The following ELL2 variants were observed in gnomAD, a reference collection of about 807,000 sequenced individuals.
The protein encoded by ELL2 is elongation factor for RNA polymerase II 2, also known as RNA polymerase II elongation factor ELL2.
In ELL2, 21 loss-of-function variants were observed where a neutral mutation model predicts 72.8. The observed-to-expected ratio is 0.29, with a 90% confidence interval of 0.20 to 0.42. ELL2 has a LOEUF of 0.42. Ranked by LOEUF, ELL2 falls within the 10% of genes least tolerant of loss-of-function variation. The pLI, the probability that ELL2 is intolerant of heterozygous loss-of-function variation, is 1.00. For missense variants in ELL2, 568 were observed against 772.8 expected (o/e 0.73, Z 3.14); for synonymous variants, 266 against 283.2 (o/e 0.94, Z 0.61).
intron 2 of ELL2, among the ~76,000 whole-genome samples, chr5:95,939,877 A>G (rs1580527321): frequency 6.6e-6 from 1 of 152,212 alleles, no homozygotes; most frequent in East Asian, 1.9e-4. Flanking sequence ...ATCACAATGC[A>G]GTAGCCCATG....
intron 1 of ELL2, among the ~76,000 whole-genome samples, chr5:95,956,164 CAT>C (rs1392743246): frequency 2.0e-5 from 3 of 152,222 alleles, no homozygotes; most frequent in Non-Finnish European, 4.4e-5. Context: ...CAATCCTTCA[CAT>C]ATGTTCTTTC....
chr5:95,939,273 A>T (rs937435997), intron 2 of ELL2, among the ~76,000 whole-genome samples: 1 of 152,204 alleles, frequency 6.6e-6, no homozygotes, highest in Non-Finnish European at 1.5e-5. Context: ...GTTCTGGATG[A>T]ATCCTACATT....
chr5:95,928,148 C>G (rs1431708600), intron 2 of ELL2, among the ~76,000 whole-genome samples: 1 of 151,980 alleles, frequency 6.6e-6, no homozygotes, highest in Non-Finnish European at 1.5e-5. Flanking sequence ...AGAGATACTG[C>G]ATCAGGGAAA....
At chr5:95,914,834 G>C (rs1291330471) in intron 3 of ELL2, among the ~76,000 whole-genome samples, 2 of 152,062 alleles carry the variant, frequency 1.3e-5, no homozygotes, top group Admixed American at 6.5e-5. Context: ...AACAGAATGA[G>C]ACCCCATCTC....
Position 95,898,333 on chromosome 5 carries a change from G to A in ELL2, c.1432C>T (p.His478Tyr), listed in dbSNP as rs1448511253. The A allele has an allele frequency of 1.2e-6, 2 of 1,613,510 alleles. No homozygotes were observed. The highest frequency in any genetic ancestry group is 1.7e-5 in the Admixed American group (1 of 59,938). ...TTTTCCTCAATAGTCTCAATGTCGT[G>A]CTTTTTTATTTGGTCCTTTTCCTTA... ...KHKEKDQIKK[H>Y]DIETIEEKEE... Residue 478 changes from histidine (H) to tyrosine (Y), a missense_variant, in exon 8 of 12, where the codon CAC becomes TAC. Around this residue, in one of 2 missense-constraint regions of ELL2, gnomAD observed 511 missense variants for 728.4 expected, o/e 0.70. Coordinates refer to ENST00000237853, the MANE Select transcript of ELL2 (RefSeq NM_012081.6).
intron 3 of ELL2, among the ~76,000 whole-genome samples, chr5:95,916,256 C>A (rs1251839977): frequency 6.6e-6 from 1 of 151,952 alleles, no homozygotes; most frequent in African/African-American, 2.4e-5. Flanking sequence ...TACTGAAACA[C>A]TGAACACAAG....
At position 95,898,597 on chromosome 5, in the gene ELL2, G is replaced by A; in HGVS notation, c.1168C>T (p.Gln390Ter). 1 of 1,613,916 alleles carries A rather than the reference G, an allele frequency of 6.2e-7. No homozygotes were observed. The highest frequency in any genetic ancestry group is 8.5e-7 in the Non-Finnish European group (1 of 1,179,900). ...STYLPISHPP[Q>*]IVNSNSNSPS... is the part of the protein sequence containing the mutation. ...GAGTTGGAGTTAGAATTTACAATCT[G>A]AGGAGGATGTGAGATGGGCAGATAG... The change falls in exon 8 of 12, where the codon CAG (glutamine) becomes TAG (stop). Residue 390 changes from glutamine to a stop codon, truncating the protein, a stop_gained. Coordinates refer to ENST00000237853, the MANE Select transcript of ELL2 (RefSeq NM_012081.6). LOFTEE classifies it high-confidence loss of function.
At chr5:95,898,083 T>A (rs1410425816) in intron 8 of ELL2, among the ~76,000 whole-genome samples, 157 bp downstream of exon 8, 1 of 129,872 alleles carries the variant, frequency 7.7e-6, no homozygotes, top group Non-Finnish European at 1.6e-5. Flanking sequence ...AAACAACTGC[T>A]GTAAAATGAA....
chr5:95,956,696 G>GA (rs1751640259), intron 1 of ELL2, among the ~76,000 whole-genome samples: 2 of 152,042 alleles, frequency 1.3e-5, no homozygotes, highest in Admixed American at 1.3e-4. Flanking sequence ...TCACCTGGTA[G>GA]AAAAAAAGGA....
rs1751364213 is a variant in ELL2 at position 95,950,927 on chromosome 5, TATATATATATATATATATATATATATAA to T, written c.148-7906_148-7879del. Among the ~76,000 whole-genome samples, 6 of 121,456 alleles carry T rather than the reference TATATATATATATATATATATATATATAA, an allele frequency of 4.9e-5. 1 individual carries two copies. The highest frequency in any genetic ancestry group is 1.9e-4 in the African/African-American group (6 of 31,116). 79.7% of individuals were successfully genotyped at this position (121,456 alleles called of 152,430 possible). A position where few individuals can be genotyped will look rare whatever the true frequency, so the allele number is the denominator to read the frequency against. Reference sequence around the variant, plus strand: ...GTGTATATATATATATATATATATATATATATATATATATATATATATATATAAAATCTTCATATATATGGTTGTCTTA... The same window carrying T: ...GTGTATATATATATATATATATATATAATCTTCATATATATGGTTGTCTTA... On this transcript the variant is annotated intron_variant, in intron 1 of 11. Transcript: ENST00000237853.
chr5:95,938,380 T>C (rs1003680128), intron 2 of ELL2, among the ~76,000 whole-genome samples: 1 of 152,222 alleles, frequency 6.6e-6, no homozygotes, highest in Non-Finnish European at 1.5e-5. Flanking sequence ...ATGGTACTTA[T>C]AGAAAATATT....
chr5:95,910,683 C>T (rs138708957), intron 4 of ELL2, among the ~76,000 whole-genome samples: 1 of 152,116 alleles, frequency 6.6e-6, no homozygotes, highest in Admixed American at 6.6e-5. Context: ...GCCTTCCTCC[C>T]TAGTCTAGCT....
intron 9 of ELL2, among the ~76,000 whole-genome samples, chr5:95,893,159 G>A (rs1748729443): frequency 6.6e-6 from 1 of 152,074 alleles, no homozygotes; most frequent in African/African-American, 2.4e-5. Flanking sequence ...GTCAACAACT[G>A]TGTTGCTATT....
intron 4 of ELL2, among the ~76,000 whole-genome samples, chr5:95,911,224 A>G (rs75941622): frequency 0.03 from 4,516 of 152,334 alleles, 227 homozygotes; most frequent in African/African-American, 0.1. Context: ...TAAGGTTAAA[A>G]GAAAAAGATC....
At chr5:95,933,923 A>C (rs1017599599) in intron 2 of ELL2, among the ~76,000 whole-genome samples, 1 of 152,180 alleles carries the variant, frequency 6.6e-6, no homozygotes, top group Non-Finnish European at 1.5e-5. Context: ...TTTAGAAACA[A>C]AACACAAAAC....
intron 3 of ELL2, among the ~76,000 whole-genome samples, chr5:95,917,079 G>A (rs1032811724): frequency 2.0e-5 from 3 of 152,172 alleles, no homozygotes; most frequent in Non-Finnish European, 4.4e-5. Context: ...AAATATTTTA[G>A]ACAAATGTAT....
intron 9 of ELL2, among the ~76,000 whole-genome samples, chr5:95,893,584 A>C (rs1748748212): frequency 6.6e-6 from 1 of 152,060 alleles, no homozygotes; most frequent in Non-Finnish European, 1.5e-5. Context: ...ACGGGGTTTC[A>C]CCATGTTAGC....
At chr5:95,951,409 C>A (rs59649116) in intron 1 of ELL2, among the ~76,000 whole-genome samples, 25,934 of 148,810 alleles carry the variant, frequency 0.17, 2,345 homozygotes, top group East Asian at 0.33. Flanking sequence ...ATAAATAAAT[C>A]AACAACACTT....
At chr5:95,955,279 G>C (rs536258959) in intron 1 of ELL2, among the ~76,000 whole-genome samples, 6 of 152,284 alleles carry the variant, frequency 3.9e-5, no homozygotes, top group African/African-American at 1.4e-4. Context: ...TATGAAACCA[G>C]CAGCCAAATG....
Sources: gnomAD v4.1 joint callset for allele counts (sites outside exome capture counted in the v4.1 genomes callset) on GRCh38, gnomAD v4.1.1 for gene constraint, gnomAD v4.1.1 regional missense constraint, MANE v1.5 for transcripts, NCBI Gene and HGNC (gene_info 2026-07-23, HGNC 2026-07-21) for gene names.